GRK1: variants seen among roughly 807,000 people sequenced by gnomAD.
GRK1 encodes the protein rhodopsin kinase GRK1.
GRK1 carries 28 observed loss-of-function variants against 41.7 expected under a neutral mutation model. The observed-to-expected ratio is 0.67, with a 90% confidence interval of 0.50 to 0.92. GRK1 has a LOEUF of 0.92. Among genes scored for constraint, GRK1 ranks in the 40% least tolerant of loss-of-function variants. The pLI is 0.00. For missense variants in GRK1, 703 were observed against 671.2 expected (o/e 1.05, Z -0.52); for synonymous variants, 327 against 286.7 (o/e 1.14, Z -1.42).
chr13:113,666,602 T>C (rs528384231), upstream of GRK1, among the ~76,000 whole-genome samples: 3 of 152,216 alleles, frequency 2.0e-5, no homozygotes, highest in Admixed American at 6.5e-5. Context: ...CTTGGTTTGA[T>C]GTAGCTCCGG....
the GRK1 span, among the ~76,000 whole-genome samples, chr13:113,655,781 G>A: frequency 6.6e-6 from 1 of 152,224 alleles, no homozygotes; most frequent in Admixed American, 6.5e-5. Context: ...CGCTGATGTG[G>A]CATGGATTCT....
chr13:113,655,709 T>A, the GRK1 span, among the ~76,000 whole-genome samples: 1 of 152,210 alleles, frequency 6.6e-6, no homozygotes, highest in Admixed American at 6.5e-5. Context: ...GGTTTTGTGT[T>A]TGCTACGGCT....
At chr13:113,653,218 T>C in the GRK1 span, 23 of 1,365,776 alleles carry the variant, frequency 1.7e-5, no homozygotes, top group Admixed American at 2.4e-4. Context: ...CCTCACCTGC[T>C]GCTTCACACC....
intron 4 of GRK1, among the ~76,000 whole-genome samples, chr13:113,723,729 G>T (rs1009443273): frequency 2.3e-4 from 35 of 152,000 alleles, no homozygotes; most frequent in African/African-American, 7.3e-4. Flanking sequence ...TGGGTCTCAA[G>T]ATATTTTCCT....
In GRK1 at chr13:113,671,542, G is replaced by A; in HGVS notation, c.871G>A (p.Glu291Lys). 1 of 778,912 alleles carries A rather than the reference G, an allele frequency of 1.3e-6. No individual in the cohort carries two copies. Among genetic ancestry groups the A allele is most frequent in the African/African-American group, 1.7e-5 (1 of 59,226 alleles). The allele number at this position is 778,912 out of a possible 1,614,324, so 48.3% of individuals were successfully genotyped here. ...GAATGAGGAGAACCCTGGCTTCCCG[G>A]AGCCGCGCGCCCTCTTCTACACGGC... ...NVNEENPGFP[E>K]PRALFYTAQI... The change falls in exon 3 of 7, where the codon GAG (glutamate) becomes AAG (lysine). Residue 291 changes from glutamate (E) to lysine (K), a missense_variant. By Grantham distance (56) the Glu-to-Lys change is moderately conservative. Transcript: ENST00000335678. The surrounding 1 kb of genome is among the most constrained non-coding windows in gnomAD (Gnocchi z 4.1).
chr13:113,724,031 T>C (rs2049874510), intron 4 of GRK1, among the ~76,000 whole-genome samples: 1 of 152,212 alleles, frequency 6.6e-6, no homozygotes, highest in African/African-American at 2.4e-5. Context: ...TGAGTGCACA[T>C]GCACGGTGCA....
intron 1 of GRK1, among the ~76,000 whole-genome samples, chr13:113,669,401 C>A (rs1383116446): frequency 6.6e-6 from 1 of 152,238 alleles, no homozygotes; most frequent in Admixed American, 6.5e-5. Flanking sequence ...GGTCCTCACC[C>A]ATGTTGCTCA....
chr13:113,727,507 C>T (rs1468209588), intron 4 of GRK1, among the ~76,000 whole-genome samples: 2 of 152,020 alleles, frequency 1.3e-5, no homozygotes, highest in African/African-American at 4.8e-5. Flanking sequence ...TGGCCTTGGA[C>T]AAGTTGCTGC....
At chr13:113,724,202 C>T (rs2049875720) in intron 4 of GRK1, among the ~76,000 whole-genome samples, 1 of 152,188 alleles carries the variant, frequency 6.6e-6, no homozygotes, top group African/African-American at 2.4e-5. Context: ...GTGTGCTTTA[C>T]TTAACCTCCG....
the GRK1 span, chr13:113,658,013 G>C: frequency 1.9e-6 from 3 of 1,576,908 alleles, no homozygotes; most frequent in Middle Eastern, 1.8e-4. Flanking sequence ...GCACCCAGCC[G>C]GCCCGCCCCC....
chr13:113,658,620 G>T, the GRK1 span, among the ~76,000 whole-genome samples: 9 of 152,192 alleles, frequency 5.9e-5, no homozygotes, highest in African/African-American at 2.2e-4. Flanking sequence ...GGGGCGACCG[G>T]CTCCCTGGGC....
At chr13:113,728,840 G>C (rs533601473) in intron 4 of GRK1, among the ~76,000 whole-genome samples, 24 of 152,310 alleles carry the variant, frequency 1.6e-4, no homozygotes, top group African/African-American at 5.3e-4. Flanking sequence ...GGGCCGGGGA[G>C]GGCACAGCCC....
At chr13:113,659,134 G>A in the GRK1 span, among the ~76,000 whole-genome samples, 5 of 152,240 alleles carry the variant, frequency 3.3e-5, no homozygotes, top group East Asian at 1.9e-4. Flanking sequence ...CCATGGGTCC[G>A]AGCACCAGGA....
upstream of GRK1, among the ~76,000 whole-genome samples, chr13:113,666,154 C>T (rs965686657): frequency 3.6e-5 from 5 of 140,430 alleles, no homozygotes; most frequent in Non-Finnish European, 7.4e-5. Context: ...TCAGGTGGGT[C>T]CCAAGTGTTC....
At chr13:113,654,806 G>C in the GRK1 span, 1 of 1,613,288 alleles carries the variant, frequency 6.2e-7, no homozygotes, top group Non-Finnish European at 8.5e-7. Flanking sequence ...AACATCCCGG[G>C]CGCTTACCTG....
Position 113,667,411 on chromosome 13 carries a change from G to A in GRK1, c.25G>A (p.Val9Met), listed in dbSNP as rs184639495. The change falls in exon 1 of 7, where the codon GTG becomes ATG. Residue 9 changes from valine (V) to methionine (M), a missense_variant. Val to Met is a conservative substitution (Grantham distance 21). Coordinates refer to ENST00000335678, the MANE Select transcript of GRK1 (RefSeq NM_002929.3). The surrounding 1 kb of genome is among the most constrained non-coding windows in gnomAD (Gnocchi z 7.5). ...GATGGATTTCGGGTCTTTGGAGACC[G>A]TGGTGGCCAACTCTGCCTTCATCGC... MDFGSLET[V>M]VANSAFIAAR... The A allele has an allele frequency of 8.8e-6, 14 of 1,592,604 alleles. No homozygotes were observed. Among genetic ancestry groups the A allele is most frequent in the Middle Eastern group, 1.7e-4 (1 of 5,970 alleles).
the GRK1 span, among the ~76,000 whole-genome samples, chr13:113,648,639 C>T: frequency 6.6e-5 from 10 of 152,178 alleles, no homozygotes; most frequent in Non-Finnish European, 1.2e-4. Flanking sequence ...TCTTGGTGAA[C>T]GAGAAGTGTG....
upstream of GRK1, among the ~76,000 whole-genome samples, chr13:113,666,310 TC>T (rs929386206): frequency 6.9e-6 from 1 of 145,674 alleles, no homozygotes; most frequent in Non-Finnish European, 1.5e-5. Context: ...TCCCCAGCTG[TC>T]CCAGCTGTCC....
In GRK1 at chr13:113,671,619, C is replaced by T. The variant is rs563850908; in HGVS notation, c.948C>T (p.Arg316=). The stretch of plus-strand genomic sequence containing the variant: ...TGCACCAGAGGCGGATCGTCTACCG[C>T]GACCTCAAGCCCGAGAACGTGCTGC... ...EHLHQRRIVY[R]DLKPENVLLD... The change falls in exon 3 of 7, where the codon CGC becomes CGT. Residue 316 remains arginine, a synonymous_variant. Transcript: ENST00000335678. This position sits in a 1 kb window ranked among gnomAD's most constrained non-coding sequence, Gnocchi z 4.1. 15 of 770,610 alleles carry T rather than the reference C, an allele frequency of 1.9e-5. No individual in the cohort carries two copies. The highest frequency in any genetic ancestry group is 9.4e-5 in the South Asian group (7 of 74,534). 47.7% of individuals were successfully genotyped at this position (770,610 alleles called of 1,614,324 possible). A position where few individuals can be genotyped will look rare whatever the true frequency, so the allele number is the denominator to read the frequency against.
Sources: allele counts gnomAD v4.1 joint callset (sites outside exome capture counted in the v4.1 genomes callset), GRCh38; gene constraint gnomAD v4.1.1; non-coding constraint Gnocchi (gnomAD v3.1); transcripts MANE v1.5; gene names NCBI Gene and HGNC (gene_info 2026-07-23, HGNC 2026-07-21).